ENTREP2: variants seen among roughly 807,000 people sequenced by gnomAD.
ENTREP2 encodes protein ENTREP2.
the ENTREP2 span, among the ~76,000 whole-genome samples, chr15:29,582,673 A>G: frequency 6.6e-6 from 1 of 151,832 alleles, no homozygotes; most frequent in Non-Finnish European, 1.5e-5. Flanking sequence ...TTTTTTTGAG[A>G]TGAAGTCTCA....
the ENTREP2 span, among the ~76,000 whole-genome samples, chr15:29,158,142 AAAT>A: frequency 6.6e-5 from 10 of 152,224 alleles, no homozygotes; most frequent in Admixed American, 2.0e-4. Flanking sequence ...GCCTTTCTAC[AAAT>A]AATATTAATT....
the ENTREP2 span, among the ~76,000 whole-genome samples, chr15:29,568,021 G>A: frequency 5.3e-5 from 8 of 152,194 alleles, no homozygotes; most frequent in South Asian, 6.2e-4. Flanking sequence ...CAATCTCAGA[G>A]GGCAGGCATA....
chr15:29,370,514 T>C, the ENTREP2 span, among the ~76,000 whole-genome samples: 1 of 152,220 alleles, frequency 6.6e-6, no homozygotes. Flanking sequence ...CTGGTAGCTC[T>C]ATACTGAAAA....
At chr15:29,508,177 C>T in the ENTREP2 span, among the ~76,000 whole-genome samples, 1 of 152,186 alleles carries the variant, frequency 6.6e-6, no homozygotes, top group Admixed American at 6.6e-5. Flanking sequence ...TGGACACATA[C>T]ACCCTCCCAA....
At chr15:29,613,747 C>T in the ENTREP2 span, 1 of 166,870 alleles carries the variant, frequency 6.0e-6, no homozygotes, top group African/African-American at 2.4e-5. Flanking sequence ...CCTCTGCTTC[C>T]CTCACCAGCT....
chr15:29,246,289 G>T, the ENTREP2 span, among the ~76,000 whole-genome samples: 1 of 151,600 alleles, frequency 6.6e-6, no homozygotes, highest in East Asian at 1.9e-4. Flanking sequence ...TAATTGGGAG[G>T]CTGTGACGGG....
At chr15:29,233,721 T>A in the ENTREP2 span, 1 of 1,356,362 alleles carries the variant, frequency 7.4e-7, no homozygotes, top group Non-Finnish European at 1.1e-6. Flanking sequence ...TCAAGTTACA[T>A]GGATCTGAGC....
the ENTREP2 span, among the ~76,000 whole-genome samples, chr15:29,320,275 A>G: frequency 6.6e-6 from 1 of 152,196 alleles, no homozygotes; most frequent in Non-Finnish European, 1.5e-5. Context: ...AGGAGCTGCT[A>G]GACACAAGAA....
At chr15:29,123,670 C>T in the ENTREP2 span, 1 of 1,542,936 alleles carries the variant, frequency 6.5e-7, no homozygotes, top group African/African-American at 1.4e-5. Context: ...AAATCAAGGG[C>T]AAAAGTGCAG....
the ENTREP2 span, chr15:29,269,791 G>A: frequency 3.8e-4 from 476 of 1,255,304 alleles, no homozygotes; most frequent in Middle Eastern, 2.9e-3. Context: ...TAACGCCGGT[G>A]CCTGGAGGCG....
chr15:29,372,180 C>T, the ENTREP2 span, among the ~76,000 whole-genome samples: 1 of 152,150 alleles, frequency 6.6e-6, no homozygotes, highest in Non-Finnish European at 1.5e-5. Context: ...TCTTCTTCTA[C>T]CTCTGCCACC....
the ENTREP2 span, among the ~76,000 whole-genome samples, chr15:29,453,196 T>A: frequency 6.6e-6 from 1 of 152,038 alleles, no homozygotes; most frequent in Non-Finnish European, 1.5e-5. Context: ...GGGGAGAGAA[T>A]GTAATAACTT....
the ENTREP2 span, among the ~76,000 whole-genome samples, chr15:29,415,767 C>A: frequency 1.3e-5 from 2 of 152,244 alleles, no homozygotes; most frequent in South Asian, 4.1e-4. Flanking sequence ...TCTCAGCCCA[C>A]AATCTCCTTA....
the ENTREP2 span, among the ~76,000 whole-genome samples, chr15:29,211,373 C>T: frequency 3.3e-5 from 5 of 152,338 alleles, no homozygotes; most frequent in Non-Finnish European, 7.4e-5. Flanking sequence ...ACAAGCCCCT[C>T]CCAGCATGAC....
At chr15:29,305,033 C>CT in the ENTREP2 span, among the ~76,000 whole-genome samples, 1 of 152,170 alleles carries the variant, frequency 6.6e-6, no homozygotes, top group African/African-American at 2.4e-5. Context: ...CATTTTTAGT[C>CT]TATTACTATA....
chr15:29,135,946 T>C, the ENTREP2 span, among the ~76,000 whole-genome samples: 1 of 151,884 alleles, frequency 6.6e-6, no homozygotes, highest in Non-Finnish European at 1.5e-5. The surrounding 1 kb of genome is among the most constrained non-coding windows in gnomAD (Gnocchi z 7.4). Flanking sequence ...CTGGGGGCTC[T>C]CCCCTTGGGT....
At chr15:29,276,402 T>C in the ENTREP2 span, among the ~76,000 whole-genome samples, 2 of 152,232 alleles carry the variant, frequency 1.3e-5, no homozygotes, top group Admixed American at 6.5e-5. Flanking sequence ...TCTGTATCCT[T>C]TCCCTTTAGA....
chr15:29,372,434 G>A, the ENTREP2 span, among the ~76,000 whole-genome samples: 3 of 152,138 alleles, frequency 2.0e-5, no homozygotes, highest in African/African-American at 7.2e-5. Context: ...GATCAGTAAG[G>A]CTTCCAGTCG....
At chr15:29,128,551 C>T in the ENTREP2 span, among the ~76,000 whole-genome samples, 748 of 152,096 alleles carry the variant, frequency 4.9e-3, 8 homozygotes, top group African/African-American at 0.016. Context: ...CCCCGGAGAG[C>T]GCAGGAGATC....
Sources: gnomAD v4.1 joint callset for allele counts (sites outside exome capture counted in the v4.1 genomes callset) on GRCh38, gnomAD v4.1.1 for gene constraint, Gnocchi (gnomAD v3.1) non-coding constraint, MANE v1.5 for transcripts, NCBI Gene and HGNC (gene_info 2026-07-23, HGNC 2026-07-21) for gene names.